PRKCE: variants seen among roughly 807,000 people sequenced by gnomAD.
The protein encoded by PRKCE is protein kinase C epsilon type.
In PRKCE, 16 loss-of-function variants were observed where a neutral mutation model predicts 85.4. The ratio of observed to expected loss-of-function variants is 0.19; its 90% CI spans 0.13 to 0.28. The LOEUF (loss-of-function observed/expected upper bound fraction) is 0.28. Ranked by LOEUF, PRKCE falls within the 10% of genes least tolerant of loss-of-function variation. The probability of loss-of-function intolerance (pLI) is 1.00; values close to 1 mark genes in which losing one functional copy is unlikely to be tolerated. For synonymous variants in PRKCE, 388 were observed against 371.5 expected (o/e 1.04, Z -0.51); for missense variants, 573 against 975.2 (o/e 0.59, Z 5.49).
At chr2:45,820,816 A>G (rs902579959) in intron 1 of PRKCE, among the ~76,000 whole-genome samples, 2 of 152,128 alleles carry the variant, frequency 1.3e-5, no homozygotes, top group African/African-American at 2.4e-5. Flanking sequence ...TGAGGCCCCA[A>G]GAGATTGTCC....
chr2:46,002,146 T>C (rs1704738537), intron 7 of PRKCE, among the ~76,000 whole-genome samples: 1 of 152,222 alleles, frequency 6.6e-6, no homozygotes, highest in Non-Finnish European at 1.5e-5. Flanking sequence ...GTTATTTTGG[T>C]AAGTCAGGGC....
chr2:46,135,338 A>G (rs1307913959), intron 11 of PRKCE, among the ~76,000 whole-genome samples: 2 of 152,196 alleles, frequency 1.3e-5, no homozygotes, highest in Non-Finnish European at 2.9e-5. Context: ...CTCCTCAAAC[A>G]ACACAGTGAA....
intron 5 of PRKCE, among the ~76,000 whole-genome samples, chr2:45,981,285 G>T (rs1243568403): frequency 1.3e-5 from 2 of 152,192 alleles, no homozygotes; most frequent in Non-Finnish European, 2.9e-5. Flanking sequence ...AATTCTGGGG[G>T]AAATAAATTC....
rs549680746 is a variant in PRKCE, at chr2:46,007,355, C to A, written c.1064-107C>A. 7.4e-5 allele frequency: 82 copies of A among 1,111,004 alleles called. No individual in the cohort carries two copies. The South Asian group carries it at 1.1e-3, about 15-fold the overall frequency. The allele number at this position is 1,111,004 out of a possible 1,614,324, so 68.8% of individuals were successfully genotyped here. ...TCACACTGGATCTGTTGTGAAGAAC[C>A]AGAAAGAGGACTGAGAGCTTACAGG... On this transcript the variant is annotated intron_variant, in intron 8 of 14. Transcript: ENST00000306156.
At chr2:46,071,215 T>C (rs374357382) in intron 10 of PRKCE, among the ~76,000 whole-genome samples, 4 of 152,358 alleles carry the variant, frequency 2.6e-5, no homozygotes, top group African/African-American at 7.2e-5. Context: ...ACGTATTTCA[T>C]TGGAGTTTCT....
At chr2:45,795,912 G>A (rs1687401807) in intron 1 of PRKCE, among the ~76,000 whole-genome samples, 1 of 152,234 alleles carries the variant, frequency 6.6e-6, no homozygotes, top group African/African-American at 2.4e-5. Flanking sequence ...ACCCAGGCTT[G>A]ACAGCGCTTT....
intron 14 of PRKCE, among the ~76,000 whole-genome samples, chr2:46,160,572 G>A (rs1387880017): frequency 2.3e-5 from 1 of 43,656 alleles, no homozygotes; most frequent in African/African-American, 6.4e-5. Flanking sequence ...CAGGCTTGCT[G>A]GGAGGTGAAG....
intron 1 of PRKCE, among the ~76,000 whole-genome samples, chr2:45,795,976 C>T (rs1214329219): frequency 1.3e-5 from 2 of 152,236 alleles, no homozygotes; most frequent in African/African-American, 4.8e-5. Context: ...AAACACAGCT[C>T]ATTATTTCTA....
At chr2:45,781,201 G>A (rs1686160681) in intron 1 of PRKCE, among the ~76,000 whole-genome samples, 1 of 152,038 alleles carries the variant, frequency 6.6e-6, no homozygotes, top group South Asian at 2.1e-4. Context: ...AAAGCCTGGT[G>A]TGGAGTATGT....
At chr2:46,045,488 A>G (rs1389745212) in intron 10 of PRKCE, among the ~76,000 whole-genome samples, 2 of 152,228 alleles carry the variant, frequency 1.3e-5, no homozygotes, top group African/African-American at 4.8e-5. Flanking sequence ...GTAATATTGC[A>G]GGAGCTTCTC....
intron 2 of PRKCE, among the ~76,000 whole-genome samples, chr2:45,970,492 G>A (rs988078543): frequency 6.6e-6 from 1 of 152,078 alleles, no homozygotes; most frequent in Non-Finnish European, 1.5e-5. Context: ...CATTCAATGT[G>A]ACAACATCCT....
At chr2:46,035,940 T>A (rs1707829951) in intron 10 of PRKCE, among the ~76,000 whole-genome samples, 2 of 152,366 alleles carry the variant, frequency 1.3e-5, no homozygotes, top group Admixed American at 1.3e-4. Context: ...AAATCCCTGA[T>A]GTCAGGTGGT....
chr2:45,854,316 A>G (rs952131120), intron 2 of PRKCE, among the ~76,000 whole-genome samples: 15 of 152,160 alleles, frequency 9.9e-5, no homozygotes, highest in Non-Finnish European at 2.1e-4. Flanking sequence ...CCAGTGGGGA[A>G]CCAGACCTAG....
In PRKCE at chr2:45,652,676, T is replaced by C. The variant is rs1481634527; in HGVS notation, c.348+228T>C. On this transcript the variant is annotated intron_variant, in intron 1 of 14. Transcript: ENST00000306156. This position sits in a 1 kb window ranked among gnomAD's most constrained non-coding sequence, Gnocchi z 7.7. ...AGGATGTGGCCCTCTGCTCCCTCTG[T>C]GCCCTCCAGTTGGTGGGTGCTGCGG... Among the ~76,000 whole-genome samples the C allele has an allele frequency of 6.6e-6, 1 of 152,218 alleles. No individual in the cohort carries two copies. The highest frequency in any genetic ancestry group is 6.5e-5 in the Admixed American group (1 of 15,290).
intron 11 of PRKCE, among the ~76,000 whole-genome samples, chr2:46,099,436 A>G (rs543092372): frequency 6.6e-6 from 1 of 151,686 alleles, no homozygotes; most frequent in East Asian, 1.9e-4. Context: ...ACAATACAAC[A>G]TGTTTCCACC....
At chr2:45,947,100 A>T (rs545150786) in intron 2 of PRKCE, among the ~76,000 whole-genome samples, 1 of 152,368 alleles carries the variant, frequency 6.6e-6, no homozygotes, top group South Asian at 2.1e-4. Context: ...TACCACCTAA[A>T]GTGTGGTATA....
chr2:45,710,034 C>A (rs1679477409), intron 1 of PRKCE, among the ~76,000 whole-genome samples: 1 of 152,168 alleles, frequency 6.6e-6, no homozygotes, highest in East Asian at 1.9e-4. Flanking sequence ...TGGTCTCGAA[C>A]CCCTGACCTC....
chr2:45,720,942 A>G (rs1680569358), intron 1 of PRKCE, among the ~76,000 whole-genome samples: 1 of 152,138 alleles, frequency 6.6e-6, no homozygotes, highest in South Asian at 2.1e-4. Flanking sequence ...CCCTGTCTCT[A>G]CTAAAAGTAC....
intron 1 of PRKCE, among the ~76,000 whole-genome samples, chr2:45,803,141 T>C (rs1687997596): frequency 6.6e-6 from 1 of 152,182 alleles, no homozygotes; most frequent in Non-Finnish European, 1.5e-5. Flanking sequence ...TCTCAGACCG[T>C]GGTGGATCTT....
Sources: allele counts gnomAD v4.1 joint callset (sites outside exome capture counted in the v4.1 genomes callset), GRCh38; gene constraint gnomAD v4.1.1; non-coding constraint Gnocchi (gnomAD v3.1); transcripts MANE v1.5; gene names NCBI Gene and HGNC (gene_info 2026-07-23, HGNC 2026-07-21).